TCF3: variants seen among roughly 807,000 people sequenced by gnomAD.
TCF3 encodes the protein transcription factor 3.
TCF3 carries 54 observed loss-of-function variants against 72.3 expected under a neutral mutation model. That is an observed-to-expected ratio of 0.75 (90% CI 0.60 to 0.94). TCF3 has a LOEUF of 0.94. Among genes scored for constraint, TCF3 ranks in the 40% least tolerant of loss-of-function variants. TCF3 has a pLI of 0.00. For missense variants in TCF3, 1,078 were observed against 934.4 expected, an observed-to-expected ratio of 1.15 and a Z score of -2.00; for synonymous variants, 525 against 412.6, an observed-to-expected ratio of 1.27 and a Z score of -3.30.
At chr19:1,640,708 G>A (rs1316771842) in intron 3 of TCF3, among the ~76,000 whole-genome samples, 2 of 152,084 alleles carry the variant, frequency 1.3e-5, no homozygotes, top group African/African-American at 2.4e-5. Flanking sequence ...GGGAGGCTAG[G>A]CAGGAGAATG....
chr19:1,638,128 C>T (rs1178824344), intron 3 of TCF3, among the ~76,000 whole-genome samples: 5 of 152,096 alleles, frequency 3.3e-5, no homozygotes, highest in African/African-American at 1.2e-4. Flanking sequence ...TCCTAGAAGC[C>T]GTAACAAGAC....
At chr19:1,644,018 C>T (rs952212755) in intron 3 of TCF3, among the ~76,000 whole-genome samples, 1 of 152,212 alleles carries the variant, frequency 6.6e-6, no homozygotes, top group African/African-American at 2.4e-5. Context: ...CCCACTGTTC[C>T]AGGAAGAAGC....
At chr19:1,638,821 G>T (rs560129999) in intron 3 of TCF3, among the ~76,000 whole-genome samples, 1 of 152,232 alleles carries the variant, frequency 6.6e-6, no homozygotes, top group African/African-American at 2.4e-5. Flanking sequence ...GAAGCAATCC[G>T]GAGTTGGGAG....
chr19:1,649,670 G>A (rs1052677235), intron 2 of TCF3, among the ~76,000 whole-genome samples: 4 of 152,150 alleles, frequency 2.6e-5, no homozygotes, highest in South Asian at 2.1e-4. Context: ...CGATCCTCCC[G>A]CCTCAGCCTC....
At position 1,621,011 on chromosome 19, in the gene TCF3, C is replaced by G. The variant is rs367962588; in HGVS notation, c.1050G>C (p.Ser350=). 1 of 1,520,320 alleles carries G rather than the reference C, an allele frequency of 6.6e-7. No individual in the cohort carries two copies. Among genetic ancestry groups the G allele is most frequent in the Non-Finnish European group, 8.8e-7 (1 of 1,133,562 alleles). 94.2% of individuals were successfully genotyped at this position (1,520,320 alleles called of 1,614,324 possible). The part of the protein sequence containing the change: ...YSPDHSSNNF[S]SSPSTPVGSP... Reference sequence around the variant, plus strand: ...AGCCCACGGGGGTAGAAGGGCTGGACGAGAAGTTATTGCTTGAGTGATCCG... The same window carrying G: ...AGCCCACGGGGGTAGAAGGGCTGGAGGAGAAGTTATTGCTTGAGTGATCCG... The change falls in exon 13 of 19, where the codon TCG becomes TCC. Residue 350 remains serine (S), a synonymous_variant. Transcript: ENST00000262965.
intron 5 of TCF3, among the ~76,000 whole-genome samples, chr19:1,629,954 C>A (rs560876481): frequency 8.3e-4 from 127 of 152,288 alleles, no homozygotes; most frequent in African/African-American, 2.9e-3. Context: ...AGCAGTCACT[C>A]GCCCGGCTCC....
intron 2 of TCF3, among the ~76,000 whole-genome samples, chr19:1,647,596 T>C (rs1419933366): frequency 2.6e-5 from 4 of 152,114 alleles, no homozygotes; most frequent in East Asian, 1.9e-4. Context: ...GTGTTCGCCC[T>C]GGACCACACC....
At chr19:1,650,572 C>T in intron 1 of TCF3, 1 of 331,964 alleles carries the variant, frequency 3.0e-6, no homozygotes, top group Non-Finnish European at 5.5e-6. Flanking sequence ...CCCCAGGGAA[C>T]ACCAGGGCAT....
At chr19:1,616,088 A>T (rs1036017256) in intron 16 of TCF3, among the ~76,000 whole-genome samples, 8 of 152,172 alleles carry the variant, frequency 5.3e-5, no homozygotes, top group Non-Finnish European at 1.0e-4. Flanking sequence ...GCAGCAACTC[A>T]ATGGCAGGAA....
chr19:1,612,647 GTGT>G (rs764399873), intron 18 of TCF3, among the ~76,000 whole-genome samples: 5 of 151,384 alleles, frequency 3.3e-5, no homozygotes, highest in East Asian at 1.9e-4. Flanking sequence ...TACACGGCTG[GTGT>G]TGGTGTGGGC....
rs777156498 is a variant in TCF3, at chr19:1,632,057, G to A, written c.279C>T (p.Phe93=). ...ACTCACCTCCGAGTCCCGGTCCCAG[G>A]AATGTGGATGAAGAGAGGCTGCTGT... ...ESHSSLSSST[F]LGPGLGGKSG... The change falls in exon 5 of 19, where the codon TTC becomes TTT. Residue 93 remains phenylalanine (F), a synonymous_variant. Coordinates refer to ENST00000262965, the MANE Select transcript of TCF3 (RefSeq NM_003200.5). The A allele has an allele frequency of 3.1e-6, 5 of 1,613,376 alleles. No individual in the cohort carries two copies. In the African/African-American group the frequency reaches 4.0e-5, roughly 13 times the overall value.
chr19:1,623,964 C>A lies in TCF3; in HGVS notation c.536G>T (p.Gly179Val). ...CGTGCGACTCACCGAGGATGGAAGACCCGGCGGGACCTTCCGGACCTTCTT... is the reference window on the plus strand; with the variant it reads ...CGTGCGACTCACCGAGGATGGAAGAACCGGCGGGACCTTCCGGACCTTCTT... ...QPKKVRKVPP[G>V]LPSSVYPPSS... is the part of the protein sequence containing the mutation. Residue 179 changes from glycine (G) to valine (V), a missense_variant, in exon 8 of 19, where the codon GGT becomes GTT. By Grantham distance (109) the Gly-to-Val change is moderately radical. Transcript: ENST00000262965. 3 of 1,613,560 alleles carry A rather than the reference C, an allele frequency of 1.9e-6. No individual in the cohort carries two copies. The highest frequency in any genetic ancestry group is 1.7e-6 in the Non-Finnish European group (2 of 1,179,964).
intron 3 of TCF3, among the ~76,000 whole-genome samples, chr19:1,645,067 T>C (rs2065883873): frequency 1.3e-5 from 2 of 152,140 alleles, no homozygotes; most frequent in South Asian, 4.1e-4. Context: ...GGAAGGCCAG[T>C]GTGAGGCAGT....
At chr19:1,625,166 G>GC (rs928281889) in intron 7 of TCF3, among the ~76,000 whole-genome samples, 1 of 152,244 alleles carries the variant, frequency 6.6e-6, no homozygotes. Flanking sequence ...CCTGGAATGG[G>GC]CCCCGGGTAG....
At chr19:1,611,935 G>C (rs1028305496) in intron 18 of TCF3, 86 bp from the exon 19 acceptor site, 4 of 218,952 alleles carry the variant, frequency 1.8e-5, no homozygotes, top group Admixed American at 6.4e-5. Context: ...GATGTCGGGG[G>C]GGGGGGTGGG....
intron 2 of TCF3, among the ~76,000 whole-genome samples, chr19:1,647,951 C>T (rs76210565): frequency 0.025 from 3,769 of 152,232 alleles, 74 homozygotes; most frequent in Non-Finnish European, 0.04. Context: ...CTGGGGAGCT[C>T]GCTTCCAACA....
At chr19:1,611,910 G>C in intron 18 of TCF3, 61 bp from the exon 19 acceptor site, 2 of 727,212 alleles carry the variant, frequency 2.8e-6, no homozygotes, top group Non-Finnish European at 3.9e-6. Context: ...GATGTGAGGT[G>C]GGAGTGGGGG....
Position 1,621,820 on chromosome 19 carries a change from C to T in TCF3, c.955+18G>A. 6.3e-7 allele frequency: 1 copy of T among 1,575,060 alleles called. No individual in the cohort carries two copies. Among genetic ancestry groups the T allele is most frequent in the Non-Finnish European group, 8.6e-7 (1 of 1,161,760 alleles). Reference sequence around the variant, plus strand: ...CAGTGTCCCCTCGGAGAGGCCGCATCCCAGGGAGGGGCCATACCCAGGAGG... The same window carrying T: ...CAGTGTCCCCTCGGAGAGGCCGCATTCCAGGGAGGGGCCATACCCAGGAGG... On this transcript the variant is annotated intron_variant, in intron 11 of 18. Coordinates refer to ENST00000262965, the MANE Select transcript of TCF3 (RefSeq NM_003200.5).
intron 3 of TCF3, among the ~76,000 whole-genome samples, chr19:1,642,222 G>GACACGCACACACGCGCAGACA (rs2065395762): frequency 1.3e-5 from 2 of 148,960 alleles, no homozygotes; most frequent in African/African-American, 2.5e-5. Flanking sequence ...ACGCGCAGAC[G>GACACGCACACACGCGCAGACA]CACAGACACG....
Sources: gnomAD v4.1 joint callset for allele counts (sites outside exome capture counted in the v4.1 genomes callset) on GRCh38, gnomAD v4.1.1 for gene constraint, MANE v1.5 for transcripts, NCBI Gene and HGNC (gene_info 2026-07-23, HGNC 2026-07-21) for gene names.